PSORS1C1: variants seen among roughly 807,000 people sequenced by gnomAD.
The protein encoded by PSORS1C1 is psoriasis susceptibility 1 candidate gene 1 protein.
A neutral mutation model predicts 9.4 loss-of-function variants in PSORS1C1; 7 were observed. The observed-to-expected ratio is 0.75, with a 90% CI of 0.42 to 1.40. The LOEUF (loss-of-function observed/expected upper bound fraction) is 1.40, where lower values mean the gene tolerates loss of function less well. PSORS1C1 is among the 40% of genes most tolerant of loss of function. The pLI is 0.01. For synonymous variants in PSORS1C1, 63 were observed against 69.4 expected (o/e 0.91, Z 0.46); for missense variants, 146 against 178.1 (o/e 0.82, Z 1.02).
At chr6:31,135,075 C>T (rs1027541704) in intron 3 of PSORS1C1, among the ~76,000 whole-genome samples, 2 of 152,300 alleles carry the variant, frequency 1.3e-5, no homozygotes, top group East Asian at 3.9e-4. Context: ...TTCGGCCTCC[C>T]GAAGTGCTGG....
At chr6:31,123,845 T>G (rs1225776901) in intron 1 of PSORS1C1, among the ~76,000 whole-genome samples, 1 of 152,186 alleles carries the variant, frequency 6.6e-6, no homozygotes, top group African/African-American at 2.4e-5. Context: ...GCCATCCAGC[T>G]GGGGACACAC....
chr6:31,122,205 A>T (rs3094209), intron 1 of PSORS1C1, among the ~76,000 whole-genome samples: 1 of 152,096 alleles, frequency 6.6e-6, no homozygotes, highest in African/African-American at 2.4e-5. Flanking sequence ...CACTTATTTC[A>T]CAAGGTTTTT....
At chr6:31,119,951 G>A (rs374787786) in intron 1 of PSORS1C1, among the ~76,000 whole-genome samples, 71 of 152,092 alleles carry the variant, frequency 4.7e-4, no homozygotes, top group African/African-American at 1.7e-3. Flanking sequence ...ATCCAAATGT[G>A]CTTAAAACAG....
At position 31,139,667 on chromosome 6, in the gene PSORS1C1, T is replaced by A. The variant is rs1328403905; in HGVS notation, c.194T>A (p.Ile65Lys). Residue 65 changes from isoleucine (I) to lysine (K), a missense_variant, in exon 6 of 6, where the codon ATA becomes AAA. Coordinates refer to ENST00000259881, the MANE Select transcript of PSORS1C1 (RefSeq NM_014068.3). This position sits in a 1 kb window ranked among gnomAD's most constrained non-coding sequence, Gnocchi z 5.2. ...FWHAGDLQAM[I>K]SKEFHLAATQ... is the part of the protein sequence containing the mutation. The stretch of plus-strand genomic sequence containing the variant: ...CATGCAGGGGACCTCCAAGCAATGA[T>A]ATCCAAGGAATTCCATCTGGCAGCC... 9 of 1,612,726 alleles carry A rather than the reference T, an allele frequency of 5.6e-6. No individual in the cohort carries two copies. Among genetic ancestry groups the A allele is most frequent in the African/African-American group, 1.3e-5 (1 of 74,898 alleles).
At chr6:31,123,387 A>G (rs1384955447) in intron 1 of PSORS1C1, among the ~76,000 whole-genome samples, 1 of 152,218 alleles carries the variant, frequency 6.6e-6, no homozygotes, top group Non-Finnish European at 1.5e-5. Context: ...CAGGTGGTGG[A>G]GACCTAAAGC....
chr6:31,139,700 ATGAC>A lies in PSORS1C1; in HGVS notation c.230_233del (p.Asp77AlafsTer74). 1 of 1,613,010 alleles carries A rather than the reference ATGAC, an allele frequency of 6.2e-7. No individual in the cohort carries two copies. The highest frequency in any genetic ancestry group is 8.5e-7 in the Non-Finnish European group (1 of 1,179,980). ...GAATTCCATCTGGCAGCCACCCAGG[ATGAC>A]TGCAGAAAAGGAAGGACACAGGAGG... On this transcript the variant is annotated frameshift_variant, in exon 6 of 6. Transcript: ENST00000259881. LOFTEE classifies it low-confidence loss of function (END_TRUNC). The surrounding 1 kb of genome is among the most constrained non-coding windows in gnomAD (Gnocchi z 5.2).
chr6:31,130,472 T>C (rs539292627), intron 3 of PSORS1C1, among the ~76,000 whole-genome samples: 62 of 151,866 alleles, frequency 4.1e-4, no homozygotes, highest in African/African-American at 1.1e-3. Context: ...AGTGCAGTGG[T>C]GCGACCTCGG....
intron 1 of PSORS1C1, among the ~76,000 whole-genome samples, chr6:31,124,922 C>T (rs1368650748): frequency 6.6e-6 from 1 of 151,946 alleles, no homozygotes; most frequent in Non-Finnish European, 1.5e-5. Flanking sequence ...GAGCCGATTT[C>T]ATGCCACTGC....
chr6:31,132,513 A>C (rs1772964091), intron 3 of PSORS1C1, among the ~76,000 whole-genome samples: 1 of 146,980 alleles, frequency 6.8e-6, no homozygotes, highest in Non-Finnish European at 1.5e-5. Flanking sequence ...CGAGAGGGAG[A>C]CTCCGTCTCA....
At position 31,135,297 on chromosome 6, in the gene PSORS1C1, T is replaced by C. The variant is rs112075336; in HGVS notation, c.14-3133T>C. Among the ~76,000 whole-genome samples the C allele has an allele frequency of 2.3e-3, 349 of 152,202 alleles. 2 individuals are homozygous for C. The highest frequency in any genetic ancestry group is 7.9e-3 in the East Asian group (41 of 5,182). On this transcript the variant is annotated intron_variant, in intron 3 of 5. Transcript: ENST00000259881. ...TGTCTCCCAGGCTGGAGTGCAGTGG[T>C]GCGATCTCGGCTCACTGCAACCTCT...
chr6:31,138,684 C>G lies in PSORS1C1; in HGVS notation c.72C>G (p.Pro24=). The change falls in exon 5 of 6, where the codon CCC becomes CCG. Residue 24 remains proline, a synonymous_variant. Transcript: ENST00000259881. ...CACAGACCCCAGCTTTACAAGGACC[C>G]CAGCTCCTTAACACAGATCCCAGCT... The part of the protein sequence containing the change: ...LGTQTPALQG[P]QLLNTDPSSE... 6.2e-7 allele frequency: 1 copy of G among 1,613,324 alleles called. No individual in the cohort carries two copies. The highest frequency in any genetic ancestry group is 8.5e-7 in the Non-Finnish European group (1 of 1,179,960).
chr6:31,139,603 G>A lies in PSORS1C1; in HGVS notation c.168-38G>A. Reference sequence around the variant, plus strand: ...CCTGGGCACTTCCCTTCCCCCATGGGATCCAGGCATCCTGCTCTCCACCAT... The same window carrying A: ...CCTGGGCACTTCCCTTCCCCCATGGAATCCAGGCATCCTGCTCTCCACCAT... On this transcript the variant is annotated intron_variant, in intron 5 of 5. Transcript: ENST00000259881. The surrounding 1 kb of genome is among the most constrained non-coding windows in gnomAD (Gnocchi z 5.2). The A allele has an allele frequency of 1.3e-6, 2 of 1,595,314 alleles. No homozygotes were observed. Among genetic ancestry groups the A allele is most frequent in the Non-Finnish European group, 1.7e-6 (2 of 1,168,178 alleles).
intron 1 of PSORS1C1, among the ~76,000 whole-genome samples, chr6:31,123,604 C>T (rs987146546): frequency 6.6e-6 from 1 of 152,238 alleles, no homozygotes; most frequent in Non-Finnish European, 1.5e-5. Flanking sequence ...ACACTCTACA[C>T]CCGAGAAAAT....
Position 31,139,693 on chromosome 6 carries a change from AC to A in PSORS1C1, c.223del (p.Gln75ArgfsTer77). The part of the protein sequence containing the change: ...MISKEFHLAA[T>X]QDDCRKGRTQ... The stretch of plus-strand genomic sequence containing the variant: ...ATCCAAGGAATTCCATCTGGCAGCC[AC>A]CCAGGATGACTGCAGAAAAGGAAGG... On this transcript the variant is annotated frameshift_variant, in exon 6 of 6. Coordinates refer to ENST00000259881, the MANE Select transcript of PSORS1C1 (RefSeq NM_014068.3). LOFTEE classifies it low-confidence loss of function (END_TRUNC). This position sits in a 1 kb window ranked among gnomAD's most constrained non-coding sequence, Gnocchi z 5.2. The A allele has an allele frequency of 6.2e-7, 1 of 1,613,016 alleles. No homozygotes were observed. The highest frequency in any genetic ancestry group is 8.5e-7 in the Non-Finnish European group (1 of 1,180,014).
intron 1 of PSORS1C1, chr6:31,116,702 T>A: frequency 6.2e-7 from 1 of 1,612,720 alleles, no homozygotes; most frequent in Non-Finnish European, 8.5e-7. Flanking sequence ...ACCAGATAAC[T>A]GTCAGAGGAG....
At chr6:31,137,131 A>C (rs1472336308) in intron 3 of PSORS1C1, among the ~76,000 whole-genome samples, 1 of 140,300 alleles carries the variant, frequency 7.1e-6, no homozygotes, top group Non-Finnish European at 1.5e-5. Flanking sequence ...CTGGGCATAG[A>C]GTGAGACTCC....
Position 31,140,063 on chromosome 6 carries a change from C to A in PSORS1C1, c.*131C>A. ...AGGTTGTTCCCTGCCTGGTCCGCTA[C>A]CCCACAGTAAGGAACACCTTATTAT... is the stretch of plus-strand genomic sequence containing the variant. On this transcript the variant is annotated 3_prime_UTR_variant, in exon 6 of 6. Coordinates refer to ENST00000259881, the MANE Select transcript of PSORS1C1 (RefSeq NM_014068.3). This position sits in a 1 kb window ranked among gnomAD's most constrained non-coding sequence, Gnocchi z 4.6. 1.2e-6 allele frequency: 1 copy of A among 827,918 alleles called. No individual in the cohort carries two copies. Among genetic ancestry groups the A allele is most frequent in the Non-Finnish European group, 2.0e-6 (1 of 511,520 alleles). The allele number at this position is 827,918 out of a possible 1,614,324, so 51.3% of individuals were successfully genotyped here. A position where few individuals can be genotyped will look rare whatever the true frequency, so the allele number is the denominator to read the frequency against.
chr6:31,139,920 C>T lies in PSORS1C1; in HGVS notation c.447C>T (p.Ser149=). The change falls in exon 6 of 6, where the codon AGC becomes AGT. Residue 149 remains serine (S), a synonymous_variant. Transcript: ENST00000259881. This position sits in a 1 kb window ranked among gnomAD's most constrained non-coding sequence, Gnocchi z 5.2. ...CCTCCCATTCTCCTTTTGGTCTCAG[C>T]TCCTTGATCTAAGCCTCCCAGAGAG... ...SPPSHSPFGL[S]SLI 6.2e-7 allele frequency: 1 copy of T among 1,611,694 alleles called. No homozygotes were observed. The highest frequency in any genetic ancestry group is 8.5e-7 in the Non-Finnish European group (1 of 1,179,220).
intron 1 of PSORS1C1, among the ~76,000 whole-genome samples, chr6:31,125,157 A>G (rs1278883461): frequency 6.6e-6 from 1 of 152,172 alleles, no homozygotes; most frequent in Non-Finnish European, 1.5e-5. Flanking sequence ...AGGAAGAGAA[A>G]AAGCCTGGAA....
Sources: allele counts gnomAD v4.1 joint callset (sites outside exome capture counted in the v4.1 genomes callset), GRCh38; gene constraint gnomAD v4.1.1; non-coding constraint Gnocchi (gnomAD v3.1); transcripts MANE v1.5; gene names NCBI Gene and HGNC (gene_info 2026-07-23, HGNC 2026-07-21).